DNM1: variants seen among roughly 807,000 people sequenced by gnomAD.
DNM1 encodes dynamin-1.
DNM1 carries 29 observed loss-of-function variants against 104.6 expected under a neutral mutation model. The ratio of observed to expected loss-of-function variants is 0.28; its 90% CI spans 0.21 to 0.38. The LOEUF (loss-of-function observed/expected upper bound fraction) is 0.38. DNM1 is among the 10% of genes least tolerant of loss of function. The probability of loss-of-function intolerance (pLI) is 1.00; values close to 1 mark genes in which losing one functional copy is unlikely to be tolerated. For missense variants in DNM1, 640 were observed against 1,189.4 expected (o/e 0.54, Z 6.79); for synonymous variants, 445 against 475.8 (o/e 0.94, Z 0.84).
intron 16 of DNM1, chr9:128,246,945 C>A: frequency 4.2e-6 from 1 of 239,880 alleles, no homozygotes; most frequent in Non-Finnish European, 8.3e-6. Flanking sequence ...AGGGTGGTGG[C>A]AGTACTAGTC....
Position 128,220,132 on chromosome 9 carries a change from C to T in DNM1, c.688+46C>T. ...AACCACTCCCCAGCCCTTCCCCACC[C>T]TTCCCCTCCTCTTGAGGCTGGTTGC... On this transcript the variant is annotated intron_variant, in intron 5 of 21. Coordinates refer to ENST00000372923, the MANE Select transcript of DNM1 (RefSeq NM_004408.4). The surrounding 1 kb of genome is among the most constrained non-coding windows in gnomAD (Gnocchi z 5.2). The T allele has an allele frequency of 6.2e-7, 1 of 1,613,068 alleles. No homozygotes were observed. Among genetic ancestry groups the T allele is most frequent in the Non-Finnish European group, 8.5e-7 (1 of 1,179,070 alleles).
intron 11 of DNM1, among the ~76,000 whole-genome samples, chr9:128,235,351 G>A (rs988425108): frequency 1.4e-4 from 22 of 151,986 alleles, no homozygotes; most frequent in African/African-American, 4.3e-4. Flanking sequence ...AAATTTAGCC[G>A]GACTTGGTGG....
At chr9:128,209,331 T>G (rs1022620124) in intron 1 of DNM1, among the ~76,000 whole-genome samples, 1 of 151,768 alleles carries the variant, frequency 6.6e-6, no homozygotes, top group South Asian at 2.1e-4. Flanking sequence ...GCCAGGAGAA[T>G]TGAGTTTCCC....
In DNM1 at chr9:128,222,813, A is replaced by T. The variant is rs1392623194; in HGVS notation, c.1149A>T (p.Glu383Asp). The part of the protein sequence containing the change: ...ELVKMEFDEK[E>D]LRREISYAIK... ...CACAGATGGAGTTTGATGAGAAGGA[A>T]CTCCGAAGGGAGATCAGCTATGCTA... The change falls in exon 9 of 22, where the codon GAA (glutamate) becomes GAT (aspartate). Residue 383 changes from glutamate to aspartate, a missense_variant. Physicochemically the swap from Glu to Asp is conservative, Grantham distance 45. Around this residue, in one of 7 missense-constraint regions of DNM1, gnomAD observed 38 missense variants for 113.5 expected, o/e 0.33. Coordinates refer to ENST00000372923, the MANE Select transcript of DNM1 (RefSeq NM_004408.4). The surrounding 1 kb of genome is among the most constrained non-coding windows in gnomAD (Gnocchi z 7.8). The T allele has an allele frequency of 2.5e-6, 4 of 1,614,092 alleles. No individual in the cohort carries two copies. In the East Asian group the frequency reaches 8.9e-5, roughly 36 times the overall value.
At chr9:128,213,017 C>T (rs1424225037) in intron 1 of DNM1, among the ~76,000 whole-genome samples, 1 of 152,208 alleles carries the variant, frequency 6.6e-6, no homozygotes, top group Non-Finnish European at 1.5e-5. Context: ...TTTACAGTGG[C>T]TCCCATCAGG....
chr9:128,219,870 A>C, intron 4 of DNM1, 118 bp from the exon 5 acceptor site: 1 of 666,534 alleles, frequency 1.5e-6, no homozygotes, highest in African/African-American at 1.8e-5. Flanking sequence ...AGGGGGAAAG[A>C]GAGGAGGCAG....
intron 11 of DNM1, among the ~76,000 whole-genome samples, chr9:128,235,384 T>C (rs561639015): frequency 2.0e-5 from 3 of 151,988 alleles, no homozygotes; most frequent in East Asian, 2.0e-4. Flanking sequence ...ATCCCAGCTA[T>C]TCAGGAAGCT....
intron 21 of DNM1, chr9:128,251,632 A>AC (rs200535768): frequency 0.017 from 2,081 of 119,266 alleles, 49 homozygotes; most frequent in East Asian, 0.093. Flanking sequence ...CCTCCCCCCA[A>AC]CCACCCCCTC....
In DNM1 at chr9:128,254,567, GGCCCCGGCCGTGTGCTGCGCTT is replaced by G; in HGVS notation, c.2535-83_2535-62del. On this transcript the variant is annotated intron_variant, in intron 21 of 21. Coordinates refer to ENST00000372923, the MANE Select transcript of DNM1 (RefSeq NM_004408.4). The surrounding 1 kb of genome is among the most constrained non-coding windows in gnomAD (Gnocchi z 6.1). The stretch of plus-strand genomic sequence containing the variant: ...CTCCCACCACTGCTGCGGCGCGGCC[GGCCCCGGCCGTGTGCTGCGCTT>G]GCCTTACCAGCTCTCTCCTCGCTTT... 3.5e-6 allele frequency: 5 copies of G among 1,421,986 alleles called. No homozygotes were observed. Among genetic ancestry groups the G allele is most frequent in the Non-Finnish European group, 3.7e-6 (4 of 1,070,040 alleles). The allele number at this position is 1,421,986 out of a possible 1,614,324, so 88.1% of individuals were successfully genotyped here.
chr9:128,250,811 C>T lies in DNM1; in HGVS notation c.2405C>T (p.Pro802Leu), dbSNP rs1829472592. 7.5e-7 allele frequency: 1 copy of T among 1,333,796 alleles called. No homozygotes were observed. Among genetic ancestry groups the T allele is most frequent in the Non-Finnish European group, 9.5e-7 (1 of 1,053,196 alleles). 82.6% of individuals were successfully genotyped at this position (1,333,796 alleles called of 1,614,324 possible). A position where few individuals can be genotyped will look rare whatever the true frequency, so the allele number is the denominator to read the frequency against. ...RPGSRGPAPG[P>L]PPAGSALGGA... ...GGGTCGCGGGGCCCTGCTCCTGGGC[C>T]TCCGCCTGCTGGGTCCGCCCTGGGG... is the stretch of plus-strand genomic sequence containing the variant. The change falls in exon 21 of 22, where the codon CCT becomes CTT. Residue 802 changes from proline to leucine, a missense_variant. By Grantham distance (98) the Pro-to-Leu change is moderately conservative. Coordinates refer to ENST00000372923, the MANE Select transcript of DNM1 (RefSeq NM_004408.4).
intron 1 of DNM1, among the ~76,000 whole-genome samples, chr9:128,209,790 G>A (rs565847166): frequency 9.2e-5 from 14 of 152,304 alleles, no homozygotes; most frequent in South Asian, 2.1e-4. Flanking sequence ...GGGCCTGGGC[G>A]GTGGGCTTGG....
rs1227504654 is a variant in DNM1, at chr9:128,245,217, C to T, written c.1672-1177C>T. Among the ~76,000 whole-genome samples the T allele has an allele frequency of 6.6e-6, 1 of 152,046 alleles. No homozygotes were observed. Among genetic ancestry groups the T allele is most frequent in the Admixed American group, 6.5e-5 (1 of 15,278 alleles). ...CCGCCCTCTGGGGCTCCCGGCCACC[C>T]GCCTGGCATAAAGAGGGCTTTATGT... On this transcript the variant is annotated intron_variant, in intron 15 of 21. Coordinates refer to ENST00000372923, the MANE Select transcript of DNM1 (RefSeq NM_004408.4). This position sits in a 1 kb window ranked among gnomAD's most constrained non-coding sequence, Gnocchi z 5.2.
chr9:128,207,342 A>T (rs1178733799), intron 1 of DNM1, among the ~76,000 whole-genome samples: 1 of 152,056 alleles, frequency 6.6e-6, no homozygotes, highest in Non-Finnish European at 1.5e-5. Context: ...TAAACCCGAG[A>T]GTAGATGAGC....
Position 128,220,480 on chromosome 9 carries a change from A to G in DNM1, c.849+139A>G. On this transcript the variant is annotated intron_variant, in intron 6 of 21. Coordinates refer to ENST00000372923, the MANE Select transcript of DNM1 (RefSeq NM_004408.4). The surrounding 1 kb of genome is among the most constrained non-coding windows in gnomAD (Gnocchi z 5.2). The stretch of plus-strand genomic sequence containing the variant: ...AACTGAGCCTCAGAAAAGCAAAGCA[A>G]CTTGCCCACAGCCCCACAGCTAGGT... 10 of 1,102,452 alleles carry G rather than the reference A, an allele frequency of 9.1e-6. No homozygotes were observed. The highest frequency in any genetic ancestry group is 1.3e-5 in the Non-Finnish European group (10 of 778,970). 68.3% of individuals were successfully genotyped at this position (1,102,452 alleles called of 1,614,324 possible). A position where few individuals can be genotyped will look rare whatever the true frequency, so the allele number is the denominator to read the frequency against.
intron 10 of DNM1, among the ~76,000 whole-genome samples, chr9:128,232,355 G>A (rs960712268): frequency 6.6e-6 from 1 of 152,124 alleles, no homozygotes; most frequent in Non-Finnish European, 1.5e-5. Flanking sequence ...TCTAGTCACC[G>A]TTTTTAAGCC....
chr9:128,241,429 C>T (rs556823301), intron 14 of DNM1, among the ~76,000 whole-genome samples: 1 of 152,338 alleles, frequency 6.6e-6, no homozygotes, highest in South Asian at 2.1e-4. Flanking sequence ...TTACTCTAGG[C>T]ACTTTGTGGC....
intron 1 of DNM1, among the ~76,000 whole-genome samples, chr9:128,213,599 C>G (rs1564324148): frequency 6.6e-6 from 1 of 152,130 alleles, no homozygotes; most frequent in Non-Finnish European, 1.5e-5. Flanking sequence ...GAGAGAGCAC[C>G]TACCCGGACT....
Position 128,224,426 on chromosome 9 carries a change from G to C in DNM1, c.1335+37G>C, listed in dbSNP as rs776863040. On this transcript the variant is annotated intron_variant, in intron 10 of 21. Transcript: ENST00000372923. This position sits in a 1 kb window ranked among gnomAD's most constrained non-coding sequence, Gnocchi z 4.3. ...GCCCGGGCCAGCCCCCACCGCCTCT[G>C]CCCCGCCCTGCACTGCTGCCAGGCG... 1.3e-6 allele frequency: 2 copies of C among 1,589,540 alleles called. No homozygotes were observed. Among genetic ancestry groups the C allele is most frequent in the Non-Finnish European group, 1.7e-6 (2 of 1,165,516 alleles).
intron 10 of DNM1, chr9:128,225,955 T>C (rs1329410222): frequency 3.7e-6 from 5 of 1,365,376 alleles, no homozygotes; most frequent in Non-Finnish European, 4.1e-6. Flanking sequence ...TGGATTCCTG[T>C]CTCTGCTTGG....
Sources: allele counts gnomAD v4.1 joint callset (sites outside exome capture counted in the v4.1 genomes callset), GRCh38; gene constraint gnomAD v4.1.1; regional missense constraint gnomAD v4.1.1; non-coding constraint Gnocchi (gnomAD v3.1); transcripts MANE v1.5; gene names NCBI Gene and HGNC (gene_info 2026-07-23, HGNC 2026-07-21).